The following PAX2 variants were observed in gnomAD, a reference collection of about 807,000 sequenced individuals.
PAX2 encodes the protein paired box 2, also known as paired box protein Pax-2.
In PAX2, 9 loss-of-function variants were observed where a neutral mutation model predicts 41.7. That is an observed-to-expected ratio of 0.22 (90% CI 0.13 to 0.38). PAX2 has a LOEUF of 0.38. PAX2 is among the 10% of genes least tolerant of loss of function. The pLI, the probability that PAX2 is intolerant of heterozygous loss-of-function variation, is 1.00. For synonymous variants in PAX2, 221 were observed against 212.7 expected (o/e 1.04, Z -0.34); for missense variants, 418 against 531.6 (o/e 0.79, Z 2.10).
At chr10:100,813,278 G>A (rs916869875) in intron 7 of PAX2, among the ~76,000 whole-genome samples, 1 of 152,214 alleles carries the variant, frequency 6.6e-6, no homozygotes, top group African/African-American at 2.4e-5. Flanking sequence ...CCTTGTTTTA[G>A]TCACAGAGAG....
chr10:100,777,519 T>A (rs1319183678), intron 3 of PAX2, among the ~76,000 whole-genome samples: 1 of 151,860 alleles, frequency 6.6e-6, no homozygotes, highest in Non-Finnish European at 1.5e-5. Flanking sequence ...CTCAGCTGCC[T>A]GAATAGCTAA....
Position 100,826,031 on chromosome 10 carries a change from G to T in PAX2, c.1022-978G>T, listed in dbSNP as rs966886887. Among the ~76,000 whole-genome samples the T allele has an allele frequency of 6.6e-6, 1 of 152,020 alleles. No individual in the cohort carries two copies. Among genetic ancestry groups the T allele is most frequent in the African/African-American group, 2.4e-5 (1 of 41,374 alleles). On this transcript the variant is annotated intron_variant, in intron 8 of 9. Coordinates refer to ENST00000355243, the MANE Select transcript of PAX2 (RefSeq NM_000278.5). This position sits in a 1 kb window ranked among gnomAD's most constrained non-coding sequence, Gnocchi z 5.5. ...CCGCAGAGAGCTCGTGGTGTCGAGG[G>T]GGGAGTCGTTAAACAGAATCTAGTG...
At chr10:100,762,094 C>T (rs756806605) in intron 3 of PAX2, among the ~76,000 whole-genome samples, 37 of 151,996 alleles carry the variant, frequency 2.4e-4, no homozygotes, top group African/African-American at 8.2e-4. Flanking sequence ...CTCGGCATGG[C>T]GGCTCACACC....
intron 7 of PAX2, among the ~76,000 whole-genome samples, chr10:100,820,214 CTTCTT>C (rs371915605): frequency 2.2e-4 from 33 of 152,152 alleles, no homozygotes; most frequent in African/African-American, 7.0e-4. Flanking sequence ...TGTCAGATGA[CTTCTT>C]TTCCTTTTCT....
At chr10:100,774,675 A>G (rs575178974) in intron 3 of PAX2, among the ~76,000 whole-genome samples, 28 of 152,204 alleles carry the variant, frequency 1.8e-4, no homozygotes, top group African/African-American at 6.0e-4. Context: ...TATAGAACCA[A>G]CCATCATAGT....
chr10:100,740,733 G>A (rs143860336), upstream of PAX2, among the ~76,000 whole-genome samples: 428 of 151,588 alleles, frequency 2.8e-3, 1 homozygote, highest in African/African-American at 0.01. Flanking sequence ...TGTATGTAGT[G>A]GCTGTCACTT....
exon 1 of PAX2, chr10:100,735,523 C>T: frequency 3.2e-6 from 1 of 310,944 alleles, no homozygotes; most frequent in Non-Finnish European, 5.3e-6. Context: ...AGTGAGAGAG[C>T]GGGCGCGGGC....
intron 5 of PAX2, among the ~76,000 whole-genome samples, chr10:100,797,123 A>G (rs1424893462): frequency 6.6e-6 from 1 of 152,248 alleles, no homozygotes; most frequent in Admixed American, 6.5e-5. Flanking sequence ...TTGTCAACAA[A>G]TCAGCCAACA....
rs1021675581 is a variant in PAX2 at position 100,748,979 on chromosome 10, G to A, written c.44-767G>A. The A allele has an allele frequency of 2.0e-6, 2 of 985,270 alleles. No homozygotes were observed. The highest frequency in any genetic ancestry group is 1.2e-4 in the Admixed American group (2 of 16,260). The allele number at this position is 985,270 out of a possible 1,614,324, so 61.0% of individuals were successfully genotyped here. ...AAGCAGCCGGCATTCTCTGCCTGCT[G>A]CCTGGAGCCGCTCTGCCTCCCTGTC... On this transcript the variant is annotated intron_variant, in intron 1 of 9. Transcript: ENST00000355243. This position sits in a 1 kb window ranked among gnomAD's most constrained non-coding sequence, Gnocchi z 5.0.
At chr10:100,763,950 AT>A (rs1677021787) in intron 3 of PAX2, among the ~76,000 whole-genome samples, 2 of 148,768 alleles carry the variant, frequency 1.3e-5, no homozygotes, top group African/African-American at 5.0e-5. Context: ...TAGGTCTCTC[AT>A]AAGTTTTCAT....
intron 3 of PAX2, among the ~76,000 whole-genome samples, chr10:100,769,688 AAAC>A (rs1846149361): frequency 6.6e-6 from 1 of 151,110 alleles, no homozygotes; most frequent in Non-Finnish European, 1.5e-5. Flanking sequence ...AAAAAACAAA[AAAC>A]AAGAGTATAT....
In PAX2 at chr10:100,829,355, G is replaced by A. The variant is rs28416225; in HGVS notation, c.*1736G>A. On this transcript the variant is annotated 3_prime_UTR_variant, in exon 10 of 10. Coordinates refer to ENST00000355243, the MANE Select transcript of PAX2 (RefSeq NM_000278.5). ...TCCCCAGACCTGGCCCGGCCGCCCT[G>A]TCTCCGCAGGCTAGATCCGAGGTGG... The A allele has an allele frequency of 0.17, 36,968 of 216,290 alleles. 3,956 individuals are homozygous for A. Among genetic ancestry groups the A allele is most frequent in the Admixed American group, 0.32 (5,498 of 17,204 alleles). 13.4% of individuals were successfully genotyped at this position (216,290 alleles called of 1,614,324 possible).
rs1823560607 is a variant in PAX2 at position 100,796,539 on chromosome 10, C to T, written c.617-9891C>T. Reference sequence around the variant, plus strand: ...TTTTCACCCCTCCCCCACTCCCACTCCCTTTATGCTGTCAGGTTGATTATT... The same window carrying T: ...TTTTCACCCCTCCCCCACTCCCACTTCCTTTATGCTGTCAGGTTGATTATT... On this transcript the variant is annotated intron_variant, in intron 5 of 9. Coordinates refer to ENST00000355243, the MANE Select transcript of PAX2 (RefSeq NM_000278.5). Among the ~76,000 whole-genome samples the T allele has an allele frequency of 2.0e-5, 3 of 152,190 alleles. No homozygotes were observed. In the South Asian group the frequency reaches 6.2e-4, roughly 32 times the overall value.
At chr10:100,785,636 AGT>A (rs1274205254) in intron 5 of PAX2, among the ~76,000 whole-genome samples, 35 of 152,264 alleles carry the variant, frequency 2.3e-4, no homozygotes, top group African/African-American at 8.2e-4. Context: ...GGTCCCCAAG[AGT>A]GTTGCTCAGG....
At chr10:100,736,859 A>T (rs1844790422) in intron 1 of PAX2, among the ~76,000 whole-genome samples, 1 of 152,196 alleles carries the variant, frequency 6.6e-6, no homozygotes, top group Non-Finnish European at 1.5e-5. Flanking sequence ...TAATTATGGC[A>T]AAATTAAAAG....
chr10:100,789,959 CT>C (rs1847034381), intron 5 of PAX2, among the ~76,000 whole-genome samples: 2 of 152,142 alleles, frequency 1.3e-5, no homozygotes, highest in South Asian at 4.1e-4. Flanking sequence ...GTGATTTGTA[CT>C]TTTTTTGTGG....
Position 100,781,286 on chromosome 10 carries a change from T to C in PAX2, c.537T>C (p.Asn179=), listed in dbSNP as rs1389304416. The C allele has an allele frequency of 1.2e-6, 2 of 1,613,676 alleles. No individual in the cohort carries two copies. The highest frequency in any genetic ancestry group is 1.1e-5 in the South Asian group (1 of 91,066). Residue 179 remains asparagine, a synonymous_variant, in exon 5 of 10, where the codon AAT becomes AAC. Coordinates refer to ENST00000355243, the MANE Select transcript of PAX2 (RefSeq NM_000278.5). The part of the protein sequence containing the change: ...TASPPVSSAS[N]DPVGSYSING... The stretch of plus-strand genomic sequence containing the variant: ...CCCCTCCTGTTTCCAGCGCCTCCAA[T>C]GACCCAGTGGGATCCTACTCCATCA...
chr10:100,745,997 C>G lies in PAX2; in HGVS notation c.-264C>G. Reference sequence around the variant, plus strand: ...TGCACCCCGGCCCGGCCCACCGCCCCGGGGCCATTCTGCTGACCGCCCAGC... The same window carrying G: ...TGCACCCCGGCCCGGCCCACCGCCCGGGGGCCATTCTGCTGACCGCCCAGC... On this transcript the variant is annotated 5_prime_UTR_variant, in exon 1 of 10. Transcript: ENST00000355243. The G allele has an allele frequency of 7.3e-7, 1 of 1,367,958 alleles. No individual in the cohort carries two copies. Among genetic ancestry groups the G allele is most frequent in the Non-Finnish European group, 9.4e-7 (1 of 1,066,318 alleles). The allele number at this position is 1,367,958 out of a possible 1,614,324, so 84.7% of individuals were successfully genotyped here.
rs1848486718 is a variant in PAX2 at position 100,824,623 on chromosome 10, C to G, written c.920-25C>G. The G allele has an allele frequency of 2.7e-6, 4 of 1,493,956 alleles. No individual in the cohort carries two copies. Among genetic ancestry groups the G allele is most frequent in the Non-Finnish European group, 3.7e-6 (4 of 1,070,050 alleles). 92.5% of individuals were successfully genotyped at this position (1,493,956 alleles called of 1,614,324 possible). A position where few individuals can be genotyped will look rare whatever the true frequency, so the allele number is the denominator to read the frequency against. Reference sequence around the variant, plus strand: ...GCAGGCCCCTTTCTTCCAGGCCTCACCCCTTCCCCTTTGTGTTTTTCCAGG... The same window carrying G: ...GCAGGCCCCTTTCTTCCAGGCCTCAGCCCTTCCCCTTTGTGTTTTTCCAGG... On this transcript the variant is annotated intron_variant, in intron 7 of 9. Coordinates refer to ENST00000355243, the MANE Select transcript of PAX2 (RefSeq NM_000278.5). This position sits in a 1 kb window ranked among gnomAD's most constrained non-coding sequence, Gnocchi z 6.6.
Sources: allele counts gnomAD v4.1 joint callset (sites outside exome capture counted in the v4.1 genomes callset), GRCh38; gene constraint gnomAD v4.1.1; non-coding constraint Gnocchi (gnomAD v3.1); transcripts MANE v1.5; gene names NCBI Gene and HGNC (gene_info 2026-07-23, HGNC 2026-07-21).